Variants in C16orf92 observed in about 807,000 individuals in gnomAD.
The protein encoded by C16orf92 is fertilization-influencing membrane protein.
C16orf92 carries 14 observed loss-of-function variants against 13.7 expected under a neutral mutation model. The observed-to-expected ratio is 1.02, with a 90% CI of 0.67 to 1.60. C16orf92 has a LOEUF of 1.60. Ranked by LOEUF, C16orf92 falls within the 40% of genes most tolerant of loss-of-function variation. C16orf92 has a pLI of 0.00. For synonymous variants in C16orf92, 50 were observed against 57.4 expected, an observed-to-expected ratio of 0.87 and a Z score of 0.58; for missense variants, 116 against 139.0, an observed-to-expected ratio of 0.83 and a Z score of 0.83.
chr16:30,024,173 T>C (rs747561278), intron 3 of C16orf92, 33 bp from the exon 4 acceptor site: 6 of 1,613,524 alleles, frequency 3.7e-6, no homozygotes, highest in Admixed American at 1.7e-5. Flanking sequence ...GGGCAGGCTG[T>C]GACCTCTCCC....
downstream of C16orf92, among the ~76,000 whole-genome samples, chr16:30,026,351 G>T (rs1245659402): frequency 6.6e-6 from 1 of 152,178 alleles, no homozygotes; most frequent in African/African-American, 2.4e-5. Flanking sequence ...TGAGGAAACT[G>T]AGGCTCAGAG....
chr16:30,024,209 C>A lies in C16orf92; in HGVS notation c.315C>A (p.Asn105Lys). Residue 105 changes from asparagine (N) to lysine (K), a missense_variant, in exon 4 of 4, where the codon AAC becomes AAA. By Grantham distance (94) the Asn-to-Lys change is moderately conservative (BLOSUM62 0). Transcript: ENST00000681219. The stretch of plus-strand genomic sequence containing the variant: ...CTCTGATCTCCATGCCCCACAGAAA[C>A]TTCCAGAAAGGGGCCTAAAGAGCCG... ...FLLFQFCTHI[N>K]FQKGA 6.2e-7 allele frequency: 1 copy of A among 1,614,104 alleles called. No individual in the cohort carries two copies. The highest frequency in any genetic ancestry group is 8.5e-7 in the Non-Finnish European group (1 of 1,179,980).
chr16:30,026,411 G>A (rs2071137724), downstream of C16orf92, among the ~76,000 whole-genome samples: 1 of 152,168 alleles, frequency 6.6e-6, no homozygotes, highest in African/African-American at 2.4e-5. Context: ...GTCCAGCCCA[G>A]GGCCAGGCTG....
chr16:30,025,216 G>T, downstream of C16orf92: 1 of 1,501,896 alleles, frequency 6.7e-7, no homozygotes. The surrounding 1 kb of genome is among the most constrained non-coding windows in gnomAD (Gnocchi z 4.1). Flanking sequence ...GGGGCGGCCG[G>T]GAGCGGGGCC....
In C16orf92 at chr16:30,023,303, C is replaced by A; in HGVS notation, c.-38C>A. 1.3e-6 allele frequency: 2 copies of A among 1,561,232 alleles called. No homozygotes were observed. Among genetic ancestry groups the A allele is most frequent in the Non-Finnish European group, 1.7e-6 (2 of 1,148,376 alleles). On this transcript the variant is annotated 5_prime_UTR_variant, in exon 1 of 4. The change creates a new upstream start codon in the 5' untranslated region. Transcript: ENST00000681219. ...AAAGTGCCATCAGAACAGCTCTGGG[C>A]TGTGACATCACAGAGCCCCCACCTC...
At chr16:30,025,388 AGCAGCACCCG>A, downstream of C16orf92, 3 of 1,610,754 alleles carry the variant, frequency 1.9e-6, no homozygotes, top group Non-Finnish European at 2.5e-6. The surrounding 1 kb of genome is among the most constrained non-coding windows in gnomAD (Gnocchi z 4.1). Flanking sequence ...GTAGGGAAAG[AGCAGCACCCG>A]GCAGCAGAGG....
intron 3 of C16orf92, 34 bp downstream of exon 3, chr16:30,024,120 C>T: frequency 1.2e-6 from 2 of 1,608,022 alleles, no homozygotes; most frequent in East Asian, 2.2e-5. Flanking sequence ...ACCCCACCCA[C>T]CACCACCTTC....
In C16orf92 at chr16:30,023,269, C is replaced by T; in HGVS notation, c.-72C>T. The T allele has an allele frequency of 7.2e-7, 1 of 1,393,004 alleles. No homozygotes were observed. The highest frequency in any genetic ancestry group is 1.0e-6 in the Non-Finnish European group (1 of 1,004,474). 86.3% of individuals were successfully genotyped at this position (1,393,004 alleles called of 1,614,324 possible). On this transcript the variant is annotated 5_prime_UTR_variant, in exon 1 of 4. Transcript: ENST00000681219. ...GGTCCCAGCTCCTAGCACTTTCTCC[C>T]CTCACCCCAAAGTGCCATCAGAACA...
At chr16:30,024,726 G>GCAAC (rs2071018117), downstream of C16orf92, 1 of 189,266 alleles carries the variant, frequency 5.3e-6, no homozygotes, top group Non-Finnish European at 1.1e-5. Context: ...CTGGAGAGGA[G>GCAAC]CCGTGGTTGC....
At chr16:30,026,599 C>T (rs116560024), downstream of C16orf92, 5,124 of 1,610,956 alleles carry the variant, frequency 3.2e-3, 138 homozygotes, top group African/African-American at 0.057. Context: ...CCCAGCTCCC[C>T]GGGACTCACC....
At chr16:30,023,699 G>T in intron 1 of C16orf92, 28 bp from the exon 2 acceptor site, 1 of 1,614,140 alleles carries the variant, frequency 6.2e-7, no homozygotes, top group Non-Finnish European at 8.5e-7. Flanking sequence ...CAGCTTGGCT[G>T]TTGTCACAGA....
chr16:30,027,445 C>T (rs1312650362), downstream of C16orf92, among the ~76,000 whole-genome samples: 2 of 152,204 alleles, frequency 1.3e-5, no homozygotes, highest in African/African-American at 4.8e-5. Context: ...GGGACATGGG[C>T]GGTGTGGCTC....
downstream of C16orf92, among the ~76,000 whole-genome samples, chr16:30,026,366 G>A (rs1168774996): frequency 6.6e-6 from 1 of 152,166 alleles, no homozygotes; most frequent in East Asian, 1.9e-4. Context: ...TCAGAGACGT[G>A]CAACCACAAA....
At position 30,024,567 on chromosome 16, in the gene C16orf92, G is replaced by A. The variant is rs2071010131; in HGVS notation, c.*340G>A. The A allele has an allele frequency of 5.4e-6, 2 of 370,364 alleles. 1 individual carries two copies. The highest frequency in any genetic ancestry group is 1.1e-4 in the South Asian group (2 of 18,400). The allele number at this position is 370,364 out of a possible 1,614,324, so 22.9% of individuals were successfully genotyped here. A position where few individuals can be genotyped will look rare whatever the true frequency, so the allele number is the denominator to read the frequency against. On this transcript the variant is annotated 3_prime_UTR_variant, in exon 4 of 4. Transcript: ENST00000681219. ...CCGAGGGCGCGATGTGCAGCCGATG[G>A]TGAGGGACTGGGCGCCCTCGCCTGC... is the stretch of plus-strand genomic sequence containing the variant.
At chr16:30,026,529 C>CT, downstream of C16orf92, 1 of 1,285,042 alleles carries the variant, frequency 7.8e-7, no homozygotes, top group Non-Finnish European at 1.1e-6. Flanking sequence ...AGACCCGGGG[C>CT]TTCCCAGGCT....
chr16:30,026,703 C>T, downstream of C16orf92: 1 of 1,614,026 alleles, frequency 6.2e-7, no homozygotes, highest in South Asian at 1.1e-5. Flanking sequence ...GGCCCACGTG[C>T]TGCCCGGGGC....
chr16:30,025,688 T>A, downstream of C16orf92: 1 of 1,599,316 alleles, frequency 6.3e-7, no homozygotes, highest in East Asian at 2.2e-5. The surrounding 1 kb of genome is among the most constrained non-coding windows in gnomAD (Gnocchi z 4.1). Flanking sequence ...TCCTGTGACC[T>A]CCCCATTGGG....
In C16orf92 at chr16:30,024,274, C is replaced by A. The variant is rs371431769; in HGVS notation, c.*47C>A. 2 of 1,598,878 alleles carry A rather than the reference C, an allele frequency of 1.3e-6. No individual in the cohort carries two copies. Among genetic ancestry groups the A allele is most frequent in the South Asian group, 1.1e-5 (1 of 90,624 alleles). Reference sequence around the variant, plus strand: ...ACTCAACCTGAGCACCCACACCCACCTCCTCTCCTGTTGATGAGCAAAAGT... The same window carrying A: ...ACTCAACCTGAGCACCCACACCCACATCCTCTCCTGTTGATGAGCAAAAGT... On this transcript the variant is annotated 3_prime_UTR_variant, in exon 4 of 4. Transcript: ENST00000681219.
At chr16:30,026,642 G>T, downstream of C16orf92, 1 of 1,613,722 alleles carries the variant, frequency 6.2e-7, no homozygotes, top group South Asian at 1.1e-5. Flanking sequence ...GCACCATGGC[G>T]GCATGGTGGA....
Sources: gnomAD v4.1 joint callset for allele counts (sites outside exome capture counted in the v4.1 genomes callset) on GRCh38, gnomAD v4.1.1 for gene constraint, Gnocchi (gnomAD v3.1) non-coding constraint, MANE v1.5 for transcripts, NCBI Gene and HGNC (gene_info 2026-07-23, HGNC 2026-07-21) for gene names.